PLAAT1: variants seen among roughly 807,000 people sequenced by gnomAD.
The protein encoded by PLAAT1 is phospholipase A and acyltransferase 1.
A neutral mutation model predicts 16.4 loss-of-function variants in PLAAT1; 13 were observed. The observed-to-expected ratio is 0.79, with a 90% CI of 0.52 to 1.26. The LOEUF is 1.26. Among genes scored for constraint, PLAAT1 ranks in the 50% most tolerant of loss-of-function variants. The probability of loss-of-function intolerance (pLI) is 0.00; values close to 1 mark genes in which losing one functional copy is unlikely to be tolerated. For missense variants in PLAAT1, 218 were observed against 207.8 expected (o/e 1.05, Z -0.30); for synonymous variants, 73 against 78.4 (o/e 0.93, Z 0.36).
chr3:193,264,448 G>A (rs997516330), intron 3 of PLAAT1, among the ~76,000 whole-genome samples: 20 of 152,052 alleles, frequency 1.3e-4, no homozygotes, highest in African/African-American at 4.6e-4. Flanking sequence ...CACCTTTGGA[G>A]AAATGCCTAT....
chr3:193,270,283 G>A (rs1422864092), intron 3 of PLAAT1, among the ~76,000 whole-genome samples: 2 of 152,070 alleles, frequency 1.3e-5, no homozygotes, highest in Non-Finnish European at 2.9e-5. Context: ...AAACAAGAGT[G>A]GTATATTAAC....
intron 2 of PLAAT1, among the ~76,000 whole-genome samples, chr3:193,260,062 A>G (rs1716526640): frequency 6.6e-6 from 1 of 152,148 alleles, no homozygotes; most frequent in Non-Finnish European, 1.5e-5. Flanking sequence ...AGCACATAAA[A>G]CCATCTGATC....
chr3:193,270,069 AACACACACACAC>A (rs1553807457), intron 3 of PLAAT1, among the ~76,000 whole-genome samples: 11 of 147,992 alleles, frequency 7.4e-5, no homozygotes, highest in East Asian at 6.0e-4. Flanking sequence ...ACATCCCTGA[AACACACACACAC>A]ACACACACAC....
At position 193,262,327 on chromosome 3, in the gene PLAAT1, C is replaced by T. The variant is rs1716613137; in HGVS notation, c.140-643C>T. ...GTGCCTACCAAGTTAGCTTCAGGCTCAGGACTTAGGGGGCTTTTTTTTTTT... is the reference window on the plus strand; with the variant it reads ...GTGCCTACCAAGTTAGCTTCAGGCTTAGGACTTAGGGGGCTTTTTTTTTTT... On this transcript the variant is annotated intron_variant, in intron 2 of 3. Transcript: ENST00000264735. 2.8e-5 allele frequency among the ~76,000 whole-genome samples: 4 copies of T among 141,444 alleles called. No individual in the cohort carries two copies. In the South Asian group the frequency reaches 9.2e-4, roughly 32 times the overall value. 92.8% of individuals were successfully genotyped at this position (141,444 alleles called of 152,430 possible).
At chr3:193,248,740 A>G (rs1716074275) in intron 1 of PLAAT1, among the ~76,000 whole-genome samples, 1 of 152,106 alleles carries the variant, frequency 6.6e-6, no homozygotes. Context: ...CAATTTTTAA[A>G]TAGTTTTTGG....
intron 2 of PLAAT1, among the ~76,000 whole-genome samples, chr3:193,260,550 A>G (rs1716546809): frequency 6.6e-6 from 1 of 152,220 alleles, no homozygotes; most frequent in African/African-American, 2.4e-5. Context: ...AGGAACAGAC[A>G]CTTCTGAAAA....
At chr3:193,240,665 G>GTA (rs1409134764), upstream of PLAAT1, among the ~76,000 whole-genome samples, 1 of 146,874 alleles carries the variant, frequency 6.8e-6, no homozygotes, top group Non-Finnish European at 1.5e-5. Flanking sequence ...GTGTGTGTGT[G>GTA]TGTGTGTGTG....
intron 3 of PLAAT1, among the ~76,000 whole-genome samples, chr3:193,264,759 C>T (rs1011689980): frequency 1.3e-5 from 2 of 152,192 alleles, no homozygotes; most frequent in African/African-American, 2.4e-5. Context: ...GTGATCCACC[C>T]GCCTTGGCCT....
chr3:193,240,990 G>C (rs1003131077), upstream of PLAAT1: 3 of 355,592 alleles, frequency 8.4e-6, no homozygotes, highest in East Asian at 1.3e-4. Context: ...GGGAACGTCC[G>C]AGACGCGGGT....
intron 2 of PLAAT1, among the ~76,000 whole-genome samples, chr3:193,257,856 C>T (rs1577305532): frequency 1.3e-5 from 2 of 152,306 alleles, no homozygotes; most frequent in East Asian, 1.9e-4. Flanking sequence ...CTCCATCTTT[C>T]TCCCATGCTG....
intron 1 of PLAAT1, among the ~76,000 whole-genome samples, chr3:193,244,851 C>G (rs1715920138): frequency 6.6e-6 from 1 of 152,098 alleles, no homozygotes; most frequent in Admixed American, 6.5e-5. Context: ...CCATGAACTC[C>G]TTAATCCAGT....
chr3:193,243,788 G>A (rs1258356223), intron 1 of PLAAT1, among the ~76,000 whole-genome samples: 3 of 152,070 alleles, frequency 2.0e-5, no homozygotes, highest in East Asian at 1.9e-4. Flanking sequence ...TAATCAGCTC[G>A]CAGTCTAACA....
upstream of PLAAT1, among the ~76,000 whole-genome samples, chr3:193,240,687 T>TGTGTGTGTGTGTGTGTGGG (rs1277878870): frequency 2.2e-5 from 1 of 46,116 alleles, no homozygotes; most frequent in African/African-American, 8.5e-5. Flanking sequence ...GTGTGTGTGG[T>TGTGTGTGTGTGTGTGTGGG]TGGAGGTCTC....
At chr3:193,253,728 T>G (rs1363155071) in intron 1 of PLAAT1, among the ~76,000 whole-genome samples, 1 of 152,182 alleles carries the variant, frequency 6.6e-6, no homozygotes, top group African/African-American at 2.4e-5. Flanking sequence ...CCTAGTCAAG[T>G]TATTTTCCCT....
At chr3:193,270,278 A>T (rs1398856074) in intron 3 of PLAAT1, among the ~76,000 whole-genome samples, 20 of 152,228 alleles carry the variant, frequency 1.3e-4, no homozygotes, top group Non-Finnish European at 8.8e-5. Context: ...TTGCAAAACA[A>T]GAGTGGTATA....
chr3:193,248,573 G>A (rs1716067981), intron 1 of PLAAT1, among the ~76,000 whole-genome samples: 1 of 151,752 alleles, frequency 6.6e-6, no homozygotes, highest in South Asian at 2.1e-4. Flanking sequence ...TATCTTTTGT[G>A]TATCTACTAA....
intron 1 of PLAAT1, 71 bp downstream of exon 1, chr3:193,241,604 G>A (rs1715750637): frequency 8.9e-7 from 1 of 1,118,102 alleles, no homozygotes. Context: ...CAACTGGCAA[G>A]TGGGAAAAGT....
At chr3:193,271,205 C>T (rs532823782), downstream of PLAAT1, among the ~76,000 whole-genome samples, 8 of 152,276 alleles carry the variant, frequency 5.3e-5, no homozygotes, top group South Asian at 1.5e-3. Flanking sequence ...GGGGAATGCA[C>T]CCTCATCTTC....
At chr3:193,269,230 A>C (rs187170310) in intron 3 of PLAAT1, among the ~76,000 whole-genome samples, 1 of 152,298 alleles carries the variant, frequency 6.6e-6, no homozygotes, top group Admixed American at 6.5e-5. Context: ...AAATATAAAT[A>C]AAATAGATAA....
Sources: gnomAD v4.1 joint callset for allele counts (sites outside exome capture counted in the v4.1 genomes callset) on GRCh38, gnomAD v4.1.1 for gene constraint, MANE v1.5 for transcripts, NCBI Gene and HGNC (gene_info 2026-07-23, HGNC 2026-07-21) for gene names.